Variants in MAPK10 observed in about 807,000 individuals in gnomAD.
MAPK10 encodes mitogen-activated protein kinase 10, also known as JNK3 alpha protein kinase.
A neutral mutation model predicts 59.3 loss-of-function variants in MAPK10; 25 were observed. That is an observed-to-expected ratio of 0.42 (90% confidence interval 0.31 to 0.59). The LOEUF is 0.59. MAPK10 is among the 20% of genes least tolerant of loss of function. The pLI, the probability that MAPK10 is intolerant of heterozygous loss-of-function variation, is 0.15. For missense variants in MAPK10, 351 were observed against 568.9 expected (o/e 0.62, Z 3.90); for synonymous variants, 190 against 200.5 (o/e 0.95, Z 0.44).
intron 4 of MAPK10, chr4:86,119,881 C>G (rs914551466): frequency 3.9e-5 from 6 of 152,276 alleles, no homozygotes; most frequent in African/African-American, 1.4e-4. Flanking sequence ...TTCAGGACAG[C>G]TGGTAAGGCT....
At chr4:86,570,522 A>G (rs1354608521) in intron 1 of MAPK10, among the ~76,000 whole-genome samples, 1 of 152,150 alleles carries the variant, frequency 6.6e-6, no homozygotes, top group Non-Finnish European at 1.5e-5. Context: ...CTTTTGTTAT[A>G]TAAGTACCTA....
chr4:86,508,910 T>G (rs968377799), intron 1 of MAPK10, among the ~76,000 whole-genome samples: 1 of 152,214 alleles, frequency 6.6e-6, no homozygotes, highest in Non-Finnish European at 1.5e-5. Flanking sequence ...TGGCTTTTCC[T>G]CGTGCATGTT....
chr4:86,480,063 A>C (rs1642049781), intron 1 of MAPK10, among the ~76,000 whole-genome samples: 1 of 152,170 alleles, frequency 6.6e-6, no homozygotes, highest in African/African-American at 2.4e-5. Context: ...GAAGACAGGA[A>C]TGTCAGGCCT....
chr4:86,550,260 C>A (rs112197757), intron 1 of MAPK10, among the ~76,000 whole-genome samples: 7,099 of 151,716 alleles, frequency 0.047, 220 homozygotes, highest in African/African-American at 0.059. Context: ...GACAATGAAC[C>A]GTTGTATATT....
In MAPK10 at chr4:86,086,156, C is replaced by T. The variant is rs111869046; in HGVS notation, c.802+12368G>A. On this transcript the variant is annotated intron_variant, in intron 9 of 13. Transcript: ENST00000641462. ...GTGTAACAAACCTGCATATCCTGCA[C>T]ATGTACCCTGGAACTTAAAATTAAA... Among the ~76,000 whole-genome samples, 397 of 152,110 alleles carry T rather than the reference C, an allele frequency of 2.6e-3. 3 individuals are homozygous for T. Among genetic ancestry groups the T allele is most frequent in the Middle Eastern group, 0.014 (4 of 294 alleles).
At chr4:86,022,691 T>C (rs555137817) in intron 13 of MAPK10, among the ~76,000 whole-genome samples, 76 of 152,230 alleles carry the variant, frequency 5.0e-4, no homozygotes, top group African/African-American at 1.8e-3. Flanking sequence ...AGATTTTTTG[T>C]AGAGACAGGA....
intron 2 of MAPK10, among the ~76,000 whole-genome samples, chr4:86,217,110 C>T (rs969154379): frequency 2.0e-5 from 3 of 152,172 alleles, no homozygotes; most frequent in Non-Finnish European, 2.9e-5. Flanking sequence ...TCTAAATGCC[C>T]AAATGCTATT....
intron 1 of MAPK10, among the ~76,000 whole-genome samples, chr4:86,408,131 A>G (rs973218654): frequency 2.2e-5 from 3 of 138,800 alleles, no homozygotes; most frequent in Non-Finnish European, 4.5e-5. Context: ...ACTCCCATCT[A>G]TGAGTGAGAA....
chr4:86,406,433 G>A (rs1384027524), intron 1 of MAPK10, among the ~76,000 whole-genome samples: 1 of 152,082 alleles, frequency 6.6e-6, no homozygotes, highest in South Asian at 2.1e-4. Context: ...CTGTACAATA[G>A]GGCTAGTCCC....
intron 9 of MAPK10, among the ~76,000 whole-genome samples, chr4:86,068,839 C>A (rs953765959): frequency 6.6e-6 from 1 of 152,030 alleles, no homozygotes; most frequent in Non-Finnish European, 1.5e-5. Flanking sequence ...TATATCAGAG[C>A]CTTGATAATG....
intron 1 of MAPK10, among the ~76,000 whole-genome samples, chr4:86,428,258 CT>C (rs1747567186): frequency 6.6e-6 from 1 of 152,106 alleles, no homozygotes. Context: ...ATCCTCCCAC[CT>C]AAGCTTCTCC....
At chr4:86,163,947 C>G (rs1218069769) in intron 3 of MAPK10, among the ~76,000 whole-genome samples, 1 of 152,144 alleles carries the variant, frequency 6.6e-6, no homozygotes, top group African/African-American at 2.4e-5. Flanking sequence ...CATTATTGAT[C>G]TTCTCCTGCA....
chr4:86,071,900 TTAAAG>T (rs1262291599), intron 9 of MAPK10, among the ~76,000 whole-genome samples: 2 of 133,638 alleles, frequency 1.5e-5, no homozygotes, highest in East Asian at 4.2e-4. Flanking sequence ...CATATGAACT[TTAAAG>T]TAGTTTTTTC....
rs553276177 is a variant in MAPK10, at chr4:86,486,595, T to C, written c.-263+107315A>G. On this transcript the variant is annotated intron_variant, in intron 1 of 4. Coordinates refer to the MAPK10 transcript ENST00000502302. The stretch of plus-strand genomic sequence containing the variant: ...ATGTTCTTGGGTGCCAGGTTCTAAA[T>C]GACTGTGGAAAAAGAAAGATAAAAA... 1.6e-4 allele frequency among the ~76,000 whole-genome samples: 25 copies of C among 152,234 alleles called. No homozygotes were observed. The South Asian group carries it at 5.0e-3, about 30-fold the overall frequency.
chr4:86,046,502 A>T (rs951513934), intron 11 of MAPK10, among the ~76,000 whole-genome samples: 2 of 150,876 alleles, frequency 1.3e-5, no homozygotes, highest in African/African-American at 4.8e-5. Context: ...TTTTCTAGAT[A>T]TACAATTGAA....
At chr4:86,520,837 G>C (rs1180472685) in intron 1 of MAPK10, among the ~76,000 whole-genome samples, 1 of 152,138 alleles carries the variant, frequency 6.6e-6, no homozygotes, top group Non-Finnish European at 1.5e-5. Context: ...CTTCCCCTAG[G>C]GATGGGGTTT....
chr4:86,537,625 G>A (rs1758348730), intron 1 of MAPK10, among the ~76,000 whole-genome samples: 2 of 152,102 alleles, frequency 1.3e-5, no homozygotes, highest in Admixed American at 1.3e-4. Flanking sequence ...GTACCTCCCT[G>A]AGAAATATTT....
chr4:86,540,943 C>T (rs1758640339), intron 1 of MAPK10, among the ~76,000 whole-genome samples: 1 of 152,158 alleles, frequency 6.6e-6, no homozygotes, highest in Non-Finnish European at 1.5e-5. Context: ...TCTTGAACAA[C>T]AAAAGCAGAG....
rs543729412 is a variant in MAPK10 at position 86,533,871 on chromosome 4, C to T, written c.-263+60039G>A. Among the ~76,000 whole-genome samples, 6 of 152,288 alleles carry T rather than the reference C, an allele frequency of 3.9e-5. No homozygotes were observed. In the East Asian group the frequency reaches 1.2e-3, roughly 29 times the overall value. ...CCATGGACTCAACCTTATTTGCTTC[C>T]TGAATTGTGAGCATGTTTCTCTCAC... On this transcript the variant is annotated intron_variant, in intron 1 of 4. Coordinates refer to the MAPK10 transcript ENST00000502302.
Sources: gnomAD v4.1 joint callset for allele counts (sites outside exome capture counted in the v4.1 genomes callset) on GRCh38, gnomAD v4.1.1 for gene constraint, MANE v1.5 for transcripts, NCBI Gene and HGNC (gene_info 2026-07-23, HGNC 2026-07-21) for gene names.